Variants in SLC16A12 observed in about 807,000 individuals in gnomAD.
SLC16A12 encodes solute carrier family 16 member 12.
A neutral mutation model predicts 42.4 loss-of-function variants in SLC16A12; 17 were observed. The ratio of observed to expected loss-of-function variants is 0.40; its 90% CI spans 0.27 to 0.60. The LOEUF (loss-of-function observed/expected upper bound fraction) is 0.60. SLC16A12 is among the 20% of genes least tolerant of loss of function. SLC16A12 has a pLI of 0.42. For synonymous variants in SLC16A12, 224 were observed against 229.4 expected (o/e 0.98, Z 0.21); for missense variants, 544 against 623.0 (o/e 0.87, Z 1.35).
At chr10:89,548,463 G>C (rs1843753322) in intron 2 of SLC16A12, among the ~76,000 whole-genome samples, 1 of 152,134 alleles carries the variant, frequency 6.6e-6, no homozygotes, top group African/African-American at 2.4e-5. Flanking sequence ...AGCCAGAGCA[G>C]CAGGCCGAGG....
At chr10:89,541,950 T>C (rs1018411069) in intron 2 of SLC16A12, among the ~76,000 whole-genome samples, 2 of 152,220 alleles carry the variant, frequency 1.3e-5, no homozygotes, top group Non-Finnish European at 2.9e-5. Flanking sequence ...TTAAGAGCAA[T>C]TCTTTGGAGG....
chr10:89,553,993 T>C (rs1843786655), intron 2 of SLC16A12, among the ~76,000 whole-genome samples: 1 of 132,590 alleles, frequency 7.5e-6, no homozygotes, highest in African/African-American at 3.0e-5. Context: ...AGACTCCATC[T>C]CAAAAAGAAA....
chr10:89,441,676 GT>G (rs1406810780), intron 4 of SLC16A12, among the ~76,000 whole-genome samples: 1 of 152,166 alleles, frequency 6.6e-6, no homozygotes. Context: ...GACCAGCAGG[GT>G]TATGCAGTAA....
intron 2 of SLC16A12, among the ~76,000 whole-genome samples, chr10:89,492,409 A>G (rs886531962): frequency 6.6e-6 from 1 of 152,036 alleles, no homozygotes; most frequent in African/African-American, 2.4e-5. Context: ...CAACTCACCT[A>G]TGCTTAAAAG....
chr10:89,475,768 A>G (rs960891283), intron 2 of SLC16A12, among the ~76,000 whole-genome samples: 2 of 152,228 alleles, frequency 1.3e-5, no homozygotes, highest in African/African-American at 4.8e-5. Context: ...GAGGACAGGA[A>G]CACTTTACAT....
chr10:89,534,226 G>A (rs1309314447), intron 2 of SLC16A12, among the ~76,000 whole-genome samples: 1 of 152,172 alleles, frequency 6.6e-6, no homozygotes, highest in Non-Finnish European at 1.5e-5. Context: ...GGGGGTGGAG[G>A]ATGTCAAACA....
At chr10:89,512,066 T>A (rs1403502238) in intron 2 of SLC16A12, among the ~76,000 whole-genome samples, 2 of 152,136 alleles carry the variant, frequency 1.3e-5, no homozygotes, top group East Asian at 3.9e-4. Context: ...CTACAAACAT[T>A]GTATGATTCC....
intron 3 of SLC16A12, among the ~76,000 whole-genome samples, chr10:89,450,919 G>A (rs303166): frequency 0.013 from 1,956 of 152,240 alleles, 21 homozygotes; most frequent in Non-Finnish European, 0.019. Flanking sequence ...ATATATGTGT[G>A]TGTATGTGTG....
At chr10:89,455,678 A>G (rs1842178068) in intron 3 of SLC16A12, among the ~76,000 whole-genome samples, 1 of 152,154 alleles carries the variant, frequency 6.6e-6, no homozygotes, top group South Asian at 2.1e-4. Context: ...TGTGCATCTC[A>G]CTCCAGAAAT....
chr10:89,473,873 C>T (rs558821467), intron 2 of SLC16A12, among the ~76,000 whole-genome samples: 4 of 152,228 alleles, frequency 2.6e-5, no homozygotes, highest in African/African-American at 4.8e-5. Context: ...AATCTGTTTG[C>T]CTGAGGATTG....
At chr10:89,507,829 G>A (rs948793095) in intron 2 of SLC16A12, among the ~76,000 whole-genome samples, 8 of 152,130 alleles carry the variant, frequency 5.3e-5, no homozygotes, top group Non-Finnish European at 1.0e-4. Context: ...GTATTCAGGA[G>A]ACTCATCTCA....
intron 2 of SLC16A12, among the ~76,000 whole-genome samples, chr10:89,523,958 C>G (rs1332595993): frequency 6.6e-6 from 1 of 152,082 alleles, no homozygotes; most frequent in African/African-American, 2.4e-5. Flanking sequence ...AGTTATTCCC[C>G]CAAGTTCTTC....
rs141680442 is a variant in SLC16A12 at position 89,545,932 on chromosome 10, T to C, written c.-47+9950A>G. ...CAACAAACTGGACAAAAAGAAGCAA[T>C]GGGGAAACAATCTCCTATTCGGTAG... On this transcript the variant is annotated intron_variant, in intron 2 of 2. Transcript: ENST00000475682. Among the ~76,000 whole-genome samples the C allele has an allele frequency of 3.9e-3, 593 of 152,024 alleles. 2 individuals carry two copies. Among genetic ancestry groups the C allele is most frequent in the Non-Finnish European group, 6.3e-3 (429 of 67,962 alleles).
chr10:89,481,474 T>G (rs1269934845), intron 2 of SLC16A12, among the ~76,000 whole-genome samples: 1 of 152,182 alleles, frequency 6.6e-6, no homozygotes, highest in African/African-American at 2.4e-5. Context: ...ATTCCACTAA[T>G]ACCTGAGAGT....
chr10:89,465,833 A>T lies in SLC16A12; in HGVS notation c.-46-3209T>A, dbSNP rs1842385484. ...TCTCCCGTTCCCATGTCAGTGAGTGATGAGGCACAGAACGGGAAGTATCCA... is the reference window on the plus strand; with the variant it reads ...TCTCCCGTTCCCATGTCAGTGAGTGTTGAGGCACAGAACGGGAAGTATCCA... On this transcript the variant is annotated intron_variant, in intron 2 of 7. Coordinates refer to ENST00000371790, the MANE Select transcript of SLC16A12 (RefSeq NM_213606.4). Among the ~76,000 whole-genome samples the T allele has an allele frequency of 2.0e-5, 3 of 152,184 alleles. No individual in the cohort carries two copies. In the South Asian group the frequency reaches 6.2e-4, roughly 31 times the overall value.
chr10:89,438,168 C>T (rs1022515214), intron 6 of SLC16A12, among the ~76,000 whole-genome samples: 6 of 138,722 alleles, frequency 4.3e-5, no homozygotes, highest in Non-Finnish European at 3.2e-5. Context: ...TGGCCCATGA[C>T]ATCTTTTTGT....
At chr10:89,550,933 A>G (rs1373897930) in intron 2 of SLC16A12, among the ~76,000 whole-genome samples, 2 of 152,234 alleles carry the variant, frequency 1.3e-5, no homozygotes, top group African/African-American at 2.4e-5. Flanking sequence ...GAAGATGTCC[A>G]TCATGTTTAC....
At chr10:89,501,009 G>A (rs1842985061) in intron 2 of SLC16A12, among the ~76,000 whole-genome samples, 1 of 152,000 alleles carries the variant, frequency 6.6e-6, no homozygotes, top group Non-Finnish European at 1.5e-5. Flanking sequence ...CTACCAAGCT[G>A]ATAATCAAAT....
At chr10:89,450,618 G>A (rs1235195982) in intron 3 of SLC16A12, among the ~76,000 whole-genome samples, 1 of 152,214 alleles carries the variant, frequency 6.6e-6, no homozygotes, top group African/African-American at 2.4e-5. Context: ...GGGGTCAGGG[G>A]ATGGGGGAGG....
Sources: gnomAD v4.1 joint callset for allele counts (sites outside exome capture counted in the v4.1 genomes callset) on GRCh38, gnomAD v4.1.1 for gene constraint, MANE v1.5 for transcripts, NCBI Gene and HGNC (gene_info 2026-07-23, HGNC 2026-07-21) for gene names.